The following SH3RF1 variants were observed in gnomAD, a reference collection of about 807,000 sequenced individuals.
SH3RF1 encodes the protein E3 ubiquitin-protein ligase SH3RF1.
A neutral mutation model predicts 74.0 loss-of-function variants in SH3RF1; 32 were observed. The ratio of observed to expected loss-of-function variants is 0.43; its 90% CI spans 0.33 to 0.58. The LOEUF (loss-of-function observed/expected upper bound fraction) is 0.58. Ranked by LOEUF, SH3RF1 falls within the 20% of genes least tolerant of loss-of-function variation. The pLI is 0.05. For synonymous variants in SH3RF1, 396 were observed against 439.6 expected (o/e 0.90, Z 1.24); for missense variants, 954 against 1,130.9 (o/e 0.84, Z 2.24).
rs1561033420 is a variant in SH3RF1 at position 169,136,486 on chromosome 4, T to C, written c.900A>G (p.Lys300=). Residue 300 remains lysine (K), a synonymous_variant, in exon 5 of 12, where the codon AAA becomes AAG. Coordinates refer to ENST00000284637, the MANE Select transcript of SH3RF1 (RefSeq NM_020870.4). ...TGAGGGAAGTGAAGGAGTGCCGCTT[T>C]TTGGTGTTCTTCTTGGTGTCGGAGT... ...PKHSDTKKNT[K]KRHSFTSLTM... 1 of 1,613,768 alleles carries C rather than the reference T, an allele frequency of 6.2e-7. No individual in the cohort carries two copies. Among genetic ancestry groups the C allele is most frequent in the East Asian group, 2.2e-5 (1 of 44,862 alleles).
At chr4:169,208,988 A>G (rs1730309845) in intron 2 of SH3RF1, among the ~76,000 whole-genome samples, 1 of 152,132 alleles carries the variant, frequency 6.6e-6, no homozygotes, top group Non-Finnish European at 1.5e-5. Context: ...CACCAAACAA[A>G]ATAAAAAATG....
At chr4:169,224,471 C>T (rs186370251) in intron 2 of SH3RF1, among the ~76,000 whole-genome samples, 40 of 152,290 alleles carry the variant, frequency 2.6e-4, no homozygotes, top group Middle Eastern at 3.4e-3. Context: ...GCTCGCGCCA[C>T]CATGCCTGGC....
intron 2 of SH3RF1, among the ~76,000 whole-genome samples, chr4:169,204,595 G>A (rs1730210395): frequency 6.9e-6 from 1 of 145,252 alleles, no homozygotes. Context: ...TTTGTCGCCA[G>A]GCTGGAGTGC....
At chr4:169,169,301 A>C (rs189004199) in intron 2 of SH3RF1, among the ~76,000 whole-genome samples, 6 of 152,312 alleles carry the variant, frequency 3.9e-5, no homozygotes, top group Admixed American at 2.6e-4. Flanking sequence ...CTTTTCATTA[A>C]AAAAATAACA....
intron 2 of SH3RF1, among the ~76,000 whole-genome samples, chr4:169,215,655 A>G (rs1205608338): frequency 2.6e-5 from 4 of 152,076 alleles, no homozygotes; most frequent in Non-Finnish European, 5.9e-5. Context: ...CACTTCCCTT[A>G]GTTTTGTTTA....
At chr4:169,219,234 T>C (rs934954397) in intron 2 of SH3RF1, among the ~76,000 whole-genome samples, 3 of 152,160 alleles carry the variant, frequency 2.0e-5, no homozygotes, top group Non-Finnish European at 4.4e-5. Flanking sequence ...GGTGCAATAA[T>C]GAGTATACAT....
chr4:169,228,144 T>C (rs535492565), intron 2 of SH3RF1, among the ~76,000 whole-genome samples: 11 of 152,236 alleles, frequency 7.2e-5, no homozygotes, highest in Non-Finnish European at 1.0e-4. Flanking sequence ...ATATTCTAAA[T>C]GTATACCTTC....
At chr4:169,205,872 G>A (rs1464883385) in intron 2 of SH3RF1, among the ~76,000 whole-genome samples, 1 of 152,170 alleles carries the variant, frequency 6.6e-6, no homozygotes, top group Non-Finnish European at 1.5e-5. Context: ...ATCCAAAGGA[G>A]ATTTCAAATC....
rs867839034 is a variant in SH3RF1, at chr4:169,106,833, G to A, written c.2498+14C>T. On this transcript the variant is annotated intron_variant, in intron 11 of 11. Transcript: ENST00000284637. ...TCATTTTTTAGTTTTTTCCTGGAAC[G>A]AAGTTGAACTTACCTTTCACAAACG... 14 of 1,525,808 alleles carry A rather than the reference G, an allele frequency of 9.2e-6. No individual in the cohort carries two copies. Among genetic ancestry groups the A allele is most frequent in the Non-Finnish European group, 1.2e-5 (14 of 1,134,654 alleles). 94.5% of individuals were successfully genotyped at this position (1,525,808 alleles called of 1,614,324 possible). A position where few individuals can be genotyped will look rare whatever the true frequency, so the allele number is the denominator to read the frequency against.
intron 2 of SH3RF1, among the ~76,000 whole-genome samples, chr4:169,257,074 A>G (rs1287993299): frequency 2.6e-5 from 4 of 152,222 alleles, no homozygotes; most frequent in Middle Eastern, 3.2e-3. Context: ...TCATCATTCT[A>G]CAAATGAAGA....
In SH3RF1 at chr4:169,207,609, T is replaced by C. The variant is rs114141959; in HGVS notation, c.394-50930A>G. ...CAAGACTAGAATTCTGTCCATAGTA[T>C]GTGGTCAGCTCTGCAGTGGTCTTTC... On this transcript the variant is annotated intron_variant, in intron 2 of 11. Transcript: ENST00000284637. Among the ~76,000 whole-genome samples, 332 of 152,322 alleles carry C rather than the reference T, an allele frequency of 2.2e-3. 1 individual carries two copies. Among genetic ancestry groups the C allele is most frequent in the African/African-American group, 7.6e-3 (315 of 41,580 alleles).
Position 169,236,438 on chromosome 4 carries a change from G to C in SH3RF1, c.393+32382C>G, listed in dbSNP as rs547164110. 4.6e-5 allele frequency among the ~76,000 whole-genome samples: 7 copies of C among 152,262 alleles called. No individual in the cohort carries two copies. The South Asian group carries it at 1.5e-3, about 32-fold the overall frequency. On this transcript the variant is annotated intron_variant, in intron 2 of 11. Transcript: ENST00000284637. ...TACCTTGAGTGAGAAATAAGCCTTT[G>C]CTGTATTAAGCATCTCAAATTTCAG...
rs978993496 is a variant in SH3RF1 at position 169,187,491 on chromosome 4, A to G, written c.394-30812T>C. Among the ~76,000 whole-genome samples the G allele has an allele frequency of 2.0e-5, 3 of 151,288 alleles. No homozygotes were observed. The East Asian group carries it at 5.8e-4, about 29-fold the overall frequency. On this transcript the variant is annotated intron_variant, in intron 2 of 11. Transcript: ENST00000284637. ...GCATGAGCCATCACACCCAGACTACAGTATATTTTCTTTACAACGAATTTC... is the reference window on the plus strand; with the variant it reads ...GCATGAGCCATCACACCCAGACTACGGTATATTTTCTTTACAACGAATTTC...
chr4:169,170,194 CTAAA>C lies in SH3RF1; in HGVS notation c.394-13519_394-13516del, dbSNP rs1158192575. 6.6e-5 allele frequency among the ~76,000 whole-genome samples: 10 copies of C among 151,994 alleles called. No individual in the cohort carries two copies. The South Asian group carries it at 8.3e-4, about 13-fold the overall frequency. ...GCCCAGACCCAAATGTTATTTTGTT[CTAAA>C]TAAATAAATAGTAGAATATGAATTA... On this transcript the variant is annotated intron_variant, in intron 2 of 11. Transcript: ENST00000284637.
chr4:169,108,849 C>T (rs1408779484), intron 10 of SH3RF1, among the ~76,000 whole-genome samples: 1 of 152,150 alleles, frequency 6.6e-6, no homozygotes, highest in Non-Finnish European at 1.5e-5. Flanking sequence ...CCTACACCTA[C>T]TAAAGCTTAG....
chr4:169,103,016 G>A (rs1468068949), intron 11 of SH3RF1, among the ~76,000 whole-genome samples: 7 of 143,264 alleles, frequency 4.9e-5, no homozygotes, highest in Admixed American at 3.7e-4. Context: ...CCACCTCCCG[G>A]GTTCAAGCAT....
intron 6 of SH3RF1, among the ~76,000 whole-genome samples, chr4:169,124,385 A>G (rs1733491324): frequency 6.6e-6 from 1 of 152,240 alleles, no homozygotes; most frequent in Admixed American, 6.5e-5. Context: ...TTGTAATAAA[A>G]TATAAAATCA....
chr4:169,100,719 G>A (rs537057329), intron 11 of SH3RF1, among the ~76,000 whole-genome samples: 10 of 152,318 alleles, frequency 6.6e-5, no homozygotes, highest in Admixed American at 2.0e-4. Context: ...TACAATGCCT[G>A]TGAGCAAGGT....
chr4:169,254,948 C>A (rs972011595), intron 2 of SH3RF1, among the ~76,000 whole-genome samples: 2 of 152,144 alleles, frequency 1.3e-5, no homozygotes, highest in African/African-American at 4.8e-5. Flanking sequence ...CCACAGCCTG[C>A]AAGGTCAGGA....
Sources: gnomAD v4.1 joint callset for allele counts (sites outside exome capture counted in the v4.1 genomes callset) on GRCh38, gnomAD v4.1.1 for gene constraint, MANE v1.5 for transcripts, NCBI Gene and HGNC (gene_info 2026-07-23, HGNC 2026-07-21) for gene names.